TBC1D19: variants seen among roughly 807,000 people sequenced by gnomAD.
TBC1D19 encodes TBC1 domain family, member 19.
A neutral mutation model predicts 89.0 loss-of-function variants in TBC1D19; 60 were observed. The ratio of observed to expected loss-of-function variants is 0.67; its 90% CI spans 0.55 to 0.84. The LOEUF (loss-of-function observed/expected upper bound fraction) is 0.84. Among genes scored for constraint, TBC1D19 ranks in the 40% least tolerant of loss-of-function variants. TBC1D19 has a pLI of 0.00. For missense variants in TBC1D19, 500 were observed against 610.8 expected (o/e 0.82, Z 1.91); for synonymous variants, 189 against 199.7 (o/e 0.95, Z 0.45).
the TBC1D19 span, among the ~76,000 whole-genome samples, chr4:26,769,420 A>G: frequency 2.0e-5 from 3 of 152,200 alleles, no homozygotes; most frequent in Non-Finnish European, 4.4e-5. Flanking sequence ...ATTTAAATCT[A>G]TTTTAAAAAT....
the TBC1D19 span, among the ~76,000 whole-genome samples, chr4:26,823,083 C>A: frequency 1.9e-3 from 291 of 152,338 alleles, 11 homozygotes; most frequent in East Asian, 0.048. Flanking sequence ...AATGGACTTA[C>A]AGTTCCACGT....
At chr4:26,817,276 C>G in the TBC1D19 span, among the ~76,000 whole-genome samples, 2 of 152,100 alleles carry the variant, frequency 1.3e-5, no homozygotes, top group Non-Finnish European at 2.9e-5. Context: ...CATTGATACC[C>G]CCTCTCCCGC....
intron 13 of TBC1D19, among the ~76,000 whole-genome samples, chr4:26,689,211 A>G (rs961350420): frequency 2.0e-5 from 3 of 152,116 alleles, no homozygotes; most frequent in Non-Finnish European, 4.4e-5. Flanking sequence ...ACTTATTTAT[A>G]AAGTTAAAAT....
chr4:26,818,529 T>G, the TBC1D19 span, among the ~76,000 whole-genome samples: 1 of 152,166 alleles, frequency 6.6e-6, no homozygotes, highest in Non-Finnish European at 1.5e-5. Context: ...GTGCTGGGAT[T>G]ACAGATGTGA....
intron 13 of TBC1D19, among the ~76,000 whole-genome samples, chr4:26,711,662 A>G (rs974687025): frequency 1.3e-5 from 2 of 152,026 alleles, no homozygotes; most frequent in African/African-American, 4.8e-5. Flanking sequence ...GTAAATTACT[A>G]TCATGTGTAG....
At chr4:26,590,000 A>G (rs1467944195) in intron 1 of TBC1D19, among the ~76,000 whole-genome samples, 1 of 152,212 alleles carries the variant, frequency 6.6e-6, no homozygotes, top group East Asian at 1.9e-4. Flanking sequence ...AAGACTATGC[A>G]AATGTGTGTG....
At chr4:26,795,296 C>A in the TBC1D19 span, among the ~76,000 whole-genome samples, 2 of 152,156 alleles carry the variant, frequency 1.3e-5, no homozygotes, top group African/African-American at 4.8e-5. Context: ...TTCCAGGGAG[C>A]CCTTTCCTGA....
At chr4:26,589,156 T>A (rs539974409) in intron 1 of TBC1D19, among the ~76,000 whole-genome samples, 1 of 152,114 alleles carries the variant, frequency 6.6e-6, no homozygotes, top group South Asian at 2.1e-4. Context: ...ATTCCTGTAA[T>A]CCCAACTACT....
At chr4:26,621,978 C>T (rs1408000058) in intron 4 of TBC1D19, among the ~76,000 whole-genome samples, 1 of 151,760 alleles carries the variant, frequency 6.6e-6, no homozygotes, top group Non-Finnish European at 1.5e-5. Context: ...TCATTCTCAG[C>T]AAACTATTGC....
chr4:26,828,572 G>C, the TBC1D19 span, among the ~76,000 whole-genome samples: 2 of 152,328 alleles, frequency 1.3e-5, no homozygotes, highest in East Asian at 3.9e-4. Flanking sequence ...ATCTATGCAC[G>C]TCCAAGTATA....
At chr4:26,681,390 CAAAA>C (rs1242846983) in intron 11 of TBC1D19, among the ~76,000 whole-genome samples, 1 of 143,098 alleles carries the variant, frequency 7.0e-6, no homozygotes, top group South Asian at 2.2e-4. Context: ...ATACAAAAAA[CAAAA>C]AAAAAAATCA....
intron 15 of TBC1D19, among the ~76,000 whole-genome samples, chr4:26,734,990 ATATATGTATACACATATGTATATGTG>A (rs1560503880): frequency 1.3e-5 from 1 of 78,812 alleles, no homozygotes; most frequent in African/African-American, 4.0e-5. Context: ...ATGTATATGT[ATATATGTATACACATATGTATATGTG>A]TATACACATG....
intron 15 of TBC1D19, among the ~76,000 whole-genome samples, chr4:26,720,458 A>G (rs979317382): frequency 3.3e-5 from 5 of 152,084 alleles, no homozygotes; most frequent in Non-Finnish European, 4.4e-5. Context: ...GCTGGGCTTT[A>G]CTCAATTGAG....
chr4:26,764,469 C>T, the TBC1D19 span, among the ~76,000 whole-genome samples: 1 of 152,196 alleles, frequency 6.6e-6, no homozygotes, highest in Non-Finnish European at 1.5e-5. Flanking sequence ...CCATGACTAA[C>T]TCAGTTTTTA....
At chr4:26,653,207 G>A (rs896443265) in intron 7 of TBC1D19, among the ~76,000 whole-genome samples, 1 of 152,134 alleles carries the variant, frequency 6.6e-6, no homozygotes. Context: ...CTGACTTCTA[G>A]TTTGATTGCA....
At chr4:26,703,993 G>T (rs1337483608) in intron 13 of TBC1D19, among the ~76,000 whole-genome samples, 1 of 150,800 alleles carries the variant, frequency 6.6e-6, no homozygotes, top group African/African-American at 2.4e-5. Flanking sequence ...AGAAAATCTG[G>T]GCCTATGTTA....
chr4:26,690,575 C>T (rs966867007), intron 13 of TBC1D19, among the ~76,000 whole-genome samples: 1 of 152,100 alleles, frequency 6.6e-6, no homozygotes, highest in Non-Finnish European at 1.5e-5. Flanking sequence ...AATCCTTGGG[C>T]CCTTAAGAAA....
the TBC1D19 span, among the ~76,000 whole-genome samples, chr4:26,832,311 G>C: frequency 2.0e-5 from 3 of 152,074 alleles, no homozygotes; most frequent in Non-Finnish European, 4.4e-5. Flanking sequence ...GTAGAATTCT[G>C]TTTTTTCTGG....
the TBC1D19 span, among the ~76,000 whole-genome samples, chr4:26,852,898 C>T: frequency 3.3e-5 from 5 of 152,194 alleles, no homozygotes; most frequent in Admixed American, 1.3e-4. Context: ...GGATTACAGG[C>T]GTGAGCCACT....
Sources: allele counts gnomAD v4.1 joint callset (sites outside exome capture counted in the v4.1 genomes callset), GRCh38; gene constraint gnomAD v4.1.1; transcripts MANE v1.5; gene names NCBI Gene and HGNC (gene_info 2026-07-23, HGNC 2026-07-21).